ARHGEF10: variants seen among roughly 807,000 people sequenced by gnomAD.
ARHGEF10 encodes Rho guanine nucleotide exchange factor (GEF) 10.
Under a neutral mutation model 147.4 loss-of-function variants are expected in ARHGEF10, and 140 were observed. The ratio of observed to expected loss-of-function variants is 0.95; its 90% CI spans 0.83 to 1.09. ARHGEF10 has a LOEUF of 1.09. Ranked by LOEUF, ARHGEF10 falls within the 50% of genes least tolerant of loss-of-function variation. ARHGEF10 has a pLI of 0.00. For missense variants in ARHGEF10, 2,222 were observed against 1,752.7 expected (o/e 1.27, Z -4.78); for synonymous variants, 902 against 695.8 (o/e 1.30, Z -4.67).
At chr8:1,845,902 T>G (rs1189488211) in intron 2 of ARHGEF10, among the ~76,000 whole-genome samples, 1 of 152,144 alleles carries the variant, frequency 6.6e-6, no homozygotes, top group African/African-American at 2.4e-5. Context: ...AGCAGGACAC[T>G]CCTCTGCTGG....
chr8:1,839,486 ACTGT>A (rs1803820380), intron 1 of ARHGEF10, among the ~76,000 whole-genome samples: 1 of 97,030 alleles, frequency 1.0e-5, no homozygotes, highest in Non-Finnish European at 2.0e-5. Flanking sequence ...TGGTGTGGAA[ACTGT>A]CTGGTGTGGG....
chr8:1,826,381 C>T (rs917289049), intron 1 of ARHGEF10, among the ~76,000 whole-genome samples: 7 of 151,110 alleles, frequency 4.6e-5, no homozygotes, highest in Admixed American at 1.3e-4. Context: ...CATGTGTGTG[C>T]GTTTGTGTGT....
chr8:1,841,385 A>C (rs573692438), intron 1 of ARHGEF10, among the ~76,000 whole-genome samples: 16 of 152,356 alleles, frequency 1.1e-4, no homozygotes, highest in African/African-American at 3.8e-4. Flanking sequence ...TTTGGAAAGC[A>C]GAAAGGGGGT....
chr8:1,911,229 T>A (rs1037764130), intron 18 of ARHGEF10, among the ~76,000 whole-genome samples: 2 of 152,238 alleles, frequency 1.3e-5, no homozygotes, highest in Non-Finnish European at 2.9e-5. Context: ...TATCTCCAGT[T>A]AAGGGGACTT....
At chr8:1,861,921 A>AT (rs1806165697) in intron 4 of ARHGEF10, among the ~76,000 whole-genome samples, 2 of 152,260 alleles carry the variant, frequency 1.3e-5, no homozygotes. Flanking sequence ...AAATAATTGC[A>AT]TATCATTTAA....
chr8:1,945,621 C>G lies in ARHGEF10; in HGVS notation c.3363C>G (p.Ile1121Met). ...HTETLKHLQD[I>M]NIATPVHNML... is the part of the protein sequence containing the mutation. ...AAACTCTCAAGCACCTGCAGGACATCAACATCGCCACCCCTGTTCACAACA... is the reference window on the plus strand; with the variant it reads ...AAACTCTCAAGCACCTGCAGGACATGAACATCGCCACCCCTGTTCACAACA... Residue 1121 changes from isoleucine (I) to methionine (M), a missense_variant, in exon 27 of 29, where the codon ATC becomes ATG. By Grantham distance (10) the Ile-to-Met change is conservative (BLOSUM62 1). Transcript: ENST00000349830. The G allele has an allele frequency of 6.2e-7, 1 of 1,614,262 alleles. No individual in the cohort carries two copies. The highest frequency in any genetic ancestry group is 8.5e-7 in the Non-Finnish European group (1 of 1,180,056).
chr8:1,858,022 G>A lies in ARHGEF10; in HGVS notation c.100G>A (p.Asp34Asn). ...GGAAGAGGGAGAACAGTTCGATTTT[G>A]ACAGTGGAGATGAAATCCCAGAAGC... ...EEEEGEQFDF[D>N]SGDEIPEADR... The change falls in exon 3 of 29, where the codon GAC (aspartate) becomes AAC (asparagine). Residue 34 changes from aspartate to asparagine, a missense_variant. Transcript: ENST00000349830. 5 of 1,614,150 alleles carry A rather than the reference G, an allele frequency of 3.1e-6. No individual in the cohort carries two copies. Among genetic ancestry groups the A allele is most frequent in the Non-Finnish European group, 4.2e-6 (5 of 1,180,022 alleles).
Position 1,908,521 on chromosome 8 carries a change from C to T in ARHGEF10, c.1968-774C>T, listed in dbSNP as rs141616634. 9.4e-3 allele frequency among the ~76,000 whole-genome samples: 1,423 copies of T among 152,116 alleles called. 14 individuals carry two copies. Among genetic ancestry groups the T allele is most frequent in the Middle Eastern group, 0.02 (6 of 294 alleles). ...TGCTGGGATTACAGGCGTGAGCCACCGCGCCCGGCCCACACTTTGATTTTT... is the reference window on the plus strand; with the variant it reads ...TGCTGGGATTACAGGCGTGAGCCACTGCGCCCGGCCCACACTTTGATTTTT... On this transcript the variant is annotated intron_variant, in intron 17 of 28. Coordinates refer to ENST00000349830, the MANE Select transcript of ARHGEF10 (RefSeq NM_014629.4).
intron 28 of ARHGEF10, among the ~76,000 whole-genome samples, chr8:1,954,227 G>T (rs1011244545): frequency 6.6e-6 from 1 of 152,054 alleles, no homozygotes; most frequent in Non-Finnish European, 1.5e-5. Flanking sequence ...CCTAGTAGCT[G>T]GGATTACAGG....
chr8:1,903,229 G>A, intron 15 of ARHGEF10, 52 bp from the exon 16 acceptor site: 16 of 1,605,060 alleles, frequency 1.0e-5, no homozygotes, highest in Non-Finnish European at 1.4e-5. Flanking sequence ...GACTGTTGTT[G>A]CACTGGGAGT....
chr8:1,865,639 G>A (rs148907064), intron 5 of ARHGEF10, among the ~76,000 whole-genome samples: 36 of 152,342 alleles, frequency 2.4e-4, no homozygotes, highest in Non-Finnish European at 4.3e-4. Flanking sequence ...CATCCTCAAG[G>A]TCCTGCAGGT....
chr8:1,867,386 G>A lies in ARHGEF10; in HGVS notation c.622+784G>A, dbSNP rs570588479. 6.4e-4 allele frequency among the ~76,000 whole-genome samples: 97 copies of A among 152,262 alleles called. 1 individual carries two copies. Among genetic ancestry groups the A allele is most frequent in the African/African-American group, 2.0e-3 (82 of 41,566 alleles). ...ATTCGTGTTTAGATTTCAAAAACAGGAAACATCCAAAAGTGCATCATTTTA... is the reference window on the plus strand; with the variant it reads ...ATTCGTGTTTAGATTTCAAAAACAGAAAACATCCAAAAGTGCATCATTTTA... On this transcript the variant is annotated intron_variant, in intron 6 of 28. Transcript: ENST00000349830.
chr8:1,925,757 C>T (rs1047739194), intron 22 of ARHGEF10, among the ~76,000 whole-genome samples: 5 of 152,186 alleles, frequency 3.3e-5, no homozygotes, highest in African/African-American at 9.7e-5. Flanking sequence ...TGGATCGTAA[C>T]TCCAGGTCTC....
intron 26 of ARHGEF10, among the ~76,000 whole-genome samples, chr8:1,942,629 T>C (rs1266581485): frequency 1.3e-5 from 2 of 152,156 alleles, no homozygotes; most frequent in Non-Finnish European, 2.9e-5. Flanking sequence ...CTGATACTCA[T>C]GCAGACACGA....
intron 4 of ARHGEF10, among the ~76,000 whole-genome samples, chr8:1,860,698 T>C (rs1806057846): frequency 6.6e-6 from 1 of 152,146 alleles, no homozygotes; most frequent in Non-Finnish European, 1.5e-5. Context: ...TGCCTTGAAC[T>C]TCACCCCGAT....
intron 1 of ARHGEF10, among the ~76,000 whole-genome samples, chr8:1,832,798 G>A (rs866194035): frequency 0.027 from 541 of 19,994 alleles, 23 homozygotes; most frequent in Middle Eastern, 0.083. Context: ...AGAGACAGAG[G>A]CAGAGGCAGA....
chr8:1,824,556 C>A (rs1420349598), intron 1 of ARHGEF10, among the ~76,000 whole-genome samples: 1 of 131,564 alleles, frequency 7.6e-6, no homozygotes, highest in East Asian at 2.4e-4. Context: ...CCCTACCTGT[C>A]CCCCTACCCC....
intron 25 of ARHGEF10, among the ~76,000 whole-genome samples, chr8:1,932,166 C>G (rs979459612): frequency 6.6e-6 from 1 of 152,190 alleles, no homozygotes; most frequent in Non-Finnish European, 1.5e-5. Context: ...TAGCTCTGCC[C>G]TGAGCCCACA....
intron 22 of ARHGEF10, 31 bp from the exon 23 acceptor site, chr8:1,926,346 T>C: frequency 6.3e-7 from 1 of 1,575,138 alleles, no homozygotes; most frequent in East Asian, 2.2e-5. Flanking sequence ...CTCTGTTTTA[T>C]ATGTGAGCGT....
Sources: allele counts gnomAD v4.1 joint callset (sites outside exome capture counted in the v4.1 genomes callset), GRCh38; gene constraint gnomAD v4.1.1; transcripts MANE v1.5; gene names NCBI Gene and HGNC (gene_info 2026-07-23, HGNC 2026-07-21).